The following MPPED1 variants were observed in gnomAD, a reference collection of about 807,000 sequenced individuals.
The protein encoded by MPPED1 is metallophosphoesterase domain-containing protein 1.
Under a neutral mutation model 36.2 loss-of-function variants are expected in MPPED1, and 16 were observed. The observed-to-expected ratio is 0.44, with a 90% confidence interval of 0.30 to 0.67. MPPED1 has a LOEUF of 0.67. Among genes scored for constraint, MPPED1 ranks in the 30% least tolerant of loss-of-function variants. MPPED1 has a pLI of 0.10. For synonymous variants in MPPED1, 199 were observed against 191.3 expected, an observed-to-expected ratio of 1.04 and a Z score of -0.33; for missense variants, 307 against 453.4, an observed-to-expected ratio of 0.68 and a Z score of 2.93.
chr22:43,420,172 TACC>T (rs1395402958), intron 1 of MPPED1, among the ~76,000 whole-genome samples: 3 of 152,164 alleles, frequency 2.0e-5, no homozygotes, highest in Admixed American at 1.3e-4. Context: ...CCCAGTGTCC[TACC>T]GCTCAGCAGC....
intron 4 of MPPED1, among the ~76,000 whole-genome samples, chr22:43,480,144 T>G (rs940933861): frequency 3.3e-5 from 5 of 152,154 alleles, no homozygotes; most frequent in African/African-American, 1.2e-4. Context: ...ACTTCCTTGT[T>G]TGTTGAGCCA....
At chr22:43,427,989 C>T (rs970308801) in intron 2 of MPPED1, among the ~76,000 whole-genome samples, 7 of 152,132 alleles carry the variant, frequency 4.6e-5, no homozygotes, top group South Asian at 2.1e-4. Context: ...GTTAAATCCT[C>T]GTAGAGAAGG....
In MPPED1 at chr22:43,424,940, C is replaced by T. The variant is rs561983785; in HGVS notation, c.-46C>T. 84 of 1,544,620 alleles carry T rather than the reference C, an allele frequency of 5.4e-5. No homozygotes were observed. Among genetic ancestry groups the T allele is most frequent in the African/African-American group, 1.8e-4 (13 of 73,168 alleles). ...CCAGGTCTGGCGGGGGGCCGGGCTG[C>T]GGTGGCGGCAGCGGTGGGAGATGCC... On this transcript the variant is annotated 5_prime_UTR_variant, in exon 2 of 7. Transcript: ENST00000443721.
intron 3 of MPPED1, among the ~76,000 whole-genome samples, chr22:43,437,333 C>G (rs1929995970): frequency 1.3e-5 from 2 of 152,170 alleles, no homozygotes. Flanking sequence ...GTTCTATACC[C>G]TTCGCATGTA....
chr22:43,494,421 G>T (rs1036097015), intron 4 of MPPED1, among the ~76,000 whole-genome samples: 5 of 152,138 alleles, frequency 3.3e-5, no homozygotes, highest in Admixed American at 2.6e-4. Context: ...TCTGATGGTT[G>T]CTGGTGATCC....
intron 1 of MPPED1, among the ~76,000 whole-genome samples, chr22:43,413,385 A>T (rs1928974337): frequency 6.7e-6 from 1 of 149,412 alleles, no homozygotes. Flanking sequence ...TTTGCAAAAA[A>T]AAAAAAAAAA....
intron 2 of MPPED1, among the ~76,000 whole-genome samples, chr22:43,430,045 A>T (rs1376047891): frequency 1.3e-5 from 2 of 152,124 alleles, no homozygotes; most frequent in African/African-American, 4.8e-5. Context: ...CCAGCCAGTC[A>T]TTGTGCCTCC....
chr22:43,474,886 C>CGCT lies in MPPED1; in HGVS notation c.562_564dup (p.Leu188dup). 6.2e-7 allele frequency: 1 copy of CGCT among 1,614,008 alleles called. No individual in the cohort carries two copies. Among genetic ancestry groups the CGCT allele is most frequent in the Non-Finnish European group, 8.5e-7 (1 of 1,179,900 alleles). On this transcript the variant is annotated inframe_insertion, in exon 4 of 7. Coordinates refer to ENST00000443721, the MANE Select transcript of MPPED1 (RefSeq NM_001044370.2). The surrounding 1 kb of genome is among the most constrained non-coding windows in gnomAD (Gnocchi z 5.2). ...CCGGAGAACTATGAGAATGTGCAGT[C>CGCT]GCTGCTGACCAACTGCATCTACCTT...
chr22:43,475,163 T>C (rs1401092602), intron 4 of MPPED1, among the ~76,000 whole-genome samples: 2 of 152,142 alleles, frequency 1.3e-5, no homozygotes, highest in Non-Finnish European at 2.9e-5. Context: ...CTGAAAATAG[T>C]ATTATCAGCT....
chr22:43,479,844 C>T (rs1368164773), intron 4 of MPPED1, among the ~76,000 whole-genome samples: 1 of 152,170 alleles, frequency 6.6e-6, no homozygotes, highest in Non-Finnish European at 1.5e-5. Flanking sequence ...AGATACTCTG[C>T]TTGGGAGAAT....
At chr22:43,421,475 G>A (rs4822288) in intron 1 of MPPED1, among the ~76,000 whole-genome samples, 44,626 of 152,236 alleles carry the variant, frequency 0.29, 7,807 homozygotes, top group Non-Finnish European at 0.38. Context: ...GCATGCTAGC[G>A]CCTGCTCCTC....
intron 3 of MPPED1, among the ~76,000 whole-genome samples, chr22:43,447,881 ATATT>A (rs1368924890): frequency 9.3e-4 from 32 of 34,568 alleles, no homozygotes; most frequent in African/African-American, 3.9e-3. Flanking sequence ...ATATATATAT[ATATT>A]TTTTTTTTTT....
chr22:43,497,839 G>A (rs1408353516), intron 4 of MPPED1, among the ~76,000 whole-genome samples: 1 of 150,130 alleles, frequency 6.7e-6, no homozygotes, highest in African/African-American at 2.5e-5. Flanking sequence ...GGTGGGGGTG[G>A]GAGTATTGGA....
intron 3 of MPPED1, among the ~76,000 whole-genome samples, chr22:43,452,235 C>G (rs1477025337): frequency 1.3e-5 from 2 of 152,010 alleles, no homozygotes; most frequent in Non-Finnish European, 1.5e-5. Flanking sequence ...CCAGGCTGGT[C>G]TCAAACTCCT....
chr22:43,473,977 C>T (rs1174462683), intron 3 of MPPED1, among the ~76,000 whole-genome samples: 2 of 152,220 alleles, frequency 1.3e-5, no homozygotes, highest in Non-Finnish European at 2.9e-5. Context: ...TGGCTGTATA[C>T]ATAGACATTT....
At chr22:43,440,005 C>T (rs546142365) in intron 3 of MPPED1, among the ~76,000 whole-genome samples, 25 of 152,352 alleles carry the variant, frequency 1.6e-4, no homozygotes, top group Admixed American at 4.6e-4. Context: ...GCGGCGGGGG[C>T]GTGTCTCCTA....
At chr22:43,495,507 TGGTGGTGGTGGTGG>T (rs2146911073) in intron 4 of MPPED1, among the ~76,000 whole-genome samples, 1 of 61,450 alleles carries the variant, frequency 1.6e-5, no homozygotes, top group Admixed American at 1.7e-4. Context: ...GTGGTGGAGG[TGGTGGTGGTGGTGG>T]AGGTGGTGGT....
chr22:43,437,234 T>C (rs1929992542), intron 3 of MPPED1, among the ~76,000 whole-genome samples: 1 of 152,226 alleles, frequency 6.6e-6, no homozygotes, highest in Non-Finnish European at 1.5e-5. Context: ...GGCTGAGAGA[T>C]GGACTGTGCA....
intron 4 of MPPED1, among the ~76,000 whole-genome samples, chr22:43,494,881 T>C (rs2146909353): frequency 6.6e-6 from 1 of 152,310 alleles, no homozygotes; most frequent in Middle Eastern, 3.4e-3. Flanking sequence ...CACTTCCTGG[T>C]TCATAGATGG....
Sources: allele counts gnomAD v4.1 joint callset (sites outside exome capture counted in the v4.1 genomes callset), GRCh38; gene constraint gnomAD v4.1.1; non-coding constraint Gnocchi (gnomAD v3.1); transcripts MANE v1.5; gene names NCBI Gene and HGNC (gene_info 2026-07-23, HGNC 2026-07-21).